The following MYT1L variants were observed in gnomAD, a reference collection of about 807,000 sequenced individuals.
MYT1L encodes the protein myelin transcription factor 1-like protein.
In MYT1L, 12 loss-of-function variants were observed where a neutral mutation model predicts 126.7. The observed-to-expected ratio is 0.09, with a 90% CI of 0.06 to 0.15. MYT1L has a LOEUF of 0.15. Ranked by LOEUF, MYT1L falls within the 10% of genes least tolerant of loss-of-function variation. MYT1L has a pLI of 1.00. For synonymous variants in MYT1L, 541 were observed against 604.2 expected (o/e 0.90, Z 1.53); for missense variants, 979 against 1,585.2 (o/e 0.62, Z 6.49).
intron 4 of MYT1L, among the ~76,000 whole-genome samples, chr2:2,045,813 C>T (rs1381753033): frequency 6.6e-6 from 1 of 152,114 alleles, no homozygotes; most frequent in South Asian, 2.1e-4. Context: ...GATCTCCAGG[C>T]CAACTTTCTT....
intron 18 of MYT1L, among the ~76,000 whole-genome samples, chr2:1,869,058 G>C (rs1361454998): frequency 5.3e-5 from 8 of 152,256 alleles, no homozygotes; most frequent in African/African-American, 1.2e-4. Context: ...GCTTCAGCCA[G>C]GACTGCCTCC....
intron 3 of MYT1L, among the ~76,000 whole-genome samples, chr2:2,090,916 T>C (rs182762514): frequency 3.5e-4 from 53 of 152,354 alleles, no homozygotes; most frequent in East Asian, 3.1e-3. Context: ...CCATTCAAGA[T>C]TGATCATGAG....
intron 5 of MYT1L, among the ~76,000 whole-genome samples, chr2:1,989,656 T>C (rs970451047): frequency 2.6e-5 from 4 of 151,922 alleles, no homozygotes; most frequent in Admixed American, 2.0e-4. Flanking sequence ...TTCCTACCTA[T>C]AGGGGGAAAC....
At chr2:2,296,367 T>A (rs1033846132) in intron 1 of MYT1L, among the ~76,000 whole-genome samples, 4 of 140,826 alleles carry the variant, frequency 2.8e-5, no homozygotes, top group South Asian at 2.3e-4. Context: ...AGATCATTTA[T>A]TTTTTTTTAA....
At chr2:2,254,360 A>G (rs1254664586) in intron 2 of MYT1L, among the ~76,000 whole-genome samples, 1 of 152,178 alleles carries the variant, frequency 6.6e-6, no homozygotes. Flanking sequence ...GGAGGGGAAC[A>G]ACTCATTCAG....
intron 3 of MYT1L, among the ~76,000 whole-genome samples, chr2:2,156,665 G>A (rs530689976): frequency 8.8e-4 from 134 of 152,262 alleles, no homozygotes; most frequent in African/African-American, 2.9e-3. Flanking sequence ...CTACGCTTAC[G>A]TTGGCAGAGG....
intron 3 of MYT1L, among the ~76,000 whole-genome samples, chr2:2,108,028 C>T (rs1390074137): frequency 6.6e-6 from 1 of 152,166 alleles, no homozygotes; most frequent in Non-Finnish European, 1.5e-5. Flanking sequence ...AACCTCACTA[C>T]CTGAGCAATG....
chr2:2,052,438 C>T (rs1374490952), intron 4 of MYT1L, among the ~76,000 whole-genome samples: 1 of 152,112 alleles, frequency 6.6e-6, no homozygotes, highest in African/African-American at 2.4e-5. Flanking sequence ...AATTGGGCAA[C>T]ATCAAAACTT....
chr2:1,888,951 T>A (rs1030761416), intron 16 of MYT1L, among the ~76,000 whole-genome samples: 1 of 152,182 alleles, frequency 6.6e-6, no homozygotes, highest in Admixed American at 6.5e-5. Flanking sequence ...AAAAATGAAC[T>A]CAGGTGCTAT....
intron 3 of MYT1L, among the ~76,000 whole-genome samples, chr2:2,066,808 T>G (rs1195263883): frequency 1.3e-5 from 2 of 152,190 alleles, no homozygotes; most frequent in Non-Finnish European, 2.9e-5. Context: ...GCCTTGGCAG[T>G]CAGGGTGAGT....
intron 2 of MYT1L, among the ~76,000 whole-genome samples, chr2:2,189,643 T>C (rs2092446108): frequency 6.6e-6 from 1 of 152,260 alleles, no homozygotes; most frequent in Admixed American, 6.5e-5. Context: ...TAATTGTTAA[T>C]GTGGTAGCTA....
chr2:2,026,274 G>A (rs912701084), intron 4 of MYT1L, among the ~76,000 whole-genome samples: 6 of 152,278 alleles, frequency 3.9e-5, no homozygotes, highest in African/African-American at 9.6e-5. Flanking sequence ...TGCGGGGGAC[G>A]TGGGTGAGAG....
At chr2:1,923,348 G>T in intron 9 of MYT1L, 85 bp from the exon 10 acceptor site, 1 of 1,117,592 alleles carries the variant, frequency 8.9e-7, no homozygotes, top group Non-Finnish European at 1.3e-6. Context: ...AGCATGGATA[G>T]CACGTTAACT....
intron 2 of MYT1L, among the ~76,000 whole-genome samples, chr2:2,244,085 C>T (rs780280184): frequency 1.3e-5 from 2 of 152,272 alleles, no homozygotes; most frequent in East Asian, 1.9e-4. Context: ...GTTTCTATTT[C>T]GATCATGCAT....
At chr2:2,249,588 T>A (rs925099581) in intron 2 of MYT1L, among the ~76,000 whole-genome samples, 10 of 152,000 alleles carry the variant, frequency 6.6e-5, no homozygotes, top group African/African-American at 1.9e-4. Context: ...AGGAAAACAT[T>A]GGATAAACTC....
chr2:2,106,688 T>A (rs2078806018), intron 3 of MYT1L, among the ~76,000 whole-genome samples: 1 of 152,204 alleles, frequency 6.6e-6, no homozygotes. Context: ...CTCACGTTCC[T>A]AACACCATGA....
chr2:2,254,705 T>C (rs2094758773), intron 2 of MYT1L, among the ~76,000 whole-genome samples: 1 of 151,960 alleles, frequency 6.6e-6, no homozygotes, highest in African/African-American at 2.4e-5. Context: ...AGATGCGAAA[T>C]GTTCATTTTT....
At chr2:2,013,252 G>A (rs754980062) in intron 4 of MYT1L, among the ~76,000 whole-genome samples, 3 of 152,074 alleles carry the variant, frequency 2.0e-5, no homozygotes, top group Non-Finnish European at 2.9e-5. Flanking sequence ...AACTTCCCAC[G>A]GGCCCAGCGG....
intron 18 of MYT1L, among the ~76,000 whole-genome samples, chr2:1,874,476 C>T (rs566032429): frequency 2.6e-4 from 39 of 152,316 alleles, no homozygotes; most frequent in African/African-American, 8.4e-4. Context: ...GATCCTCTCC[C>T]CTGCTGTGGG....
Sources: gnomAD v4.1 joint callset for allele counts (sites outside exome capture counted in the v4.1 genomes callset) on GRCh38, gnomAD v4.1.1 for gene constraint, MANE v1.5 for transcripts, NCBI Gene and HGNC (gene_info 2026-07-23, HGNC 2026-07-21) for gene names.